NAV3: variants seen among roughly 807,000 people sequenced by gnomAD.
The protein encoded by NAV3 is pore membrane and/or filament interacting like protein 1.
Under a neutral mutation model 244.7 loss-of-function variants are expected in NAV3, and 87 were observed. The ratio of observed to expected loss-of-function variants is 0.36; its 90% CI spans 0.30 to 0.42. The LOEUF (loss-of-function observed/expected upper bound fraction) is 0.42, where lower values mean the gene tolerates loss of function less well. Ranked by LOEUF, NAV3 falls within the 20% of genes least tolerant of loss-of-function variation. The probability of loss-of-function intolerance (pLI) is 1.00; values close to 1 mark genes in which losing one functional copy is unlikely to be tolerated. For synonymous variants in NAV3, 1,126 were observed against 1,042.2 expected, an observed-to-expected ratio of 1.08 and a Z score of -1.55; for missense variants, 2,663 against 2,893.3, an observed-to-expected ratio of 0.92 and a Z score of 1.83.
At chr12:77,691,147 T>A (rs1184050522) in intron 2 of NAV3, among the ~76,000 whole-genome samples, 2 of 150,694 alleles carry the variant, frequency 1.3e-5, no homozygotes, top group African/African-American at 4.8e-5. Flanking sequence ...TAAGATGGGA[T>A]GTTGTTTCAC....
At chr12:77,645,534 TCTA>T (rs1260737580) in intron 2 of NAV3, among the ~76,000 whole-genome samples, 1 of 89,320 alleles carries the variant, frequency 1.1e-5, no homozygotes, top group African/African-American at 6.4e-5. Context: ...GCTCTCTCTC[TCTA>T]AAAAAAAAAA....
intron 1 of NAV3, among the ~76,000 whole-genome samples, chr12:77,896,631 T>G (rs1342511372): frequency 3.3e-5 from 5 of 152,216 alleles, no homozygotes; most frequent in Non-Finnish European, 7.3e-5. Flanking sequence ...AATTGCATTA[T>G]GAATAGCAAA....
intron 5 of NAV3, among the ~76,000 whole-genome samples, chr12:77,979,630 T>G (rs1246927193): frequency 1.3e-5 from 2 of 151,022 alleles, no homozygotes; most frequent in African/African-American, 4.9e-5. Flanking sequence ...TTTTCTATGC[T>G]TCTACTTCTG....
chr12:77,898,664 G>C (rs1331736550), intron 1 of NAV3, among the ~76,000 whole-genome samples: 1 of 152,114 alleles, frequency 6.6e-6, no homozygotes, highest in Admixed American at 6.6e-5. Flanking sequence ...CTGTCAAAAT[G>C]GTTGTCCGTT....
At chr12:78,143,017 T>C (rs1223775580) in intron 20 of NAV3, among the ~76,000 whole-genome samples, 1 of 152,128 alleles carries the variant, frequency 6.6e-6, no homozygotes, top group Non-Finnish European at 1.5e-5. Context: ...TAGGATTTAA[T>C]TGGCAATGAG....
chr12:77,725,108 A>G (rs1401178942), intron 2 of NAV3, among the ~76,000 whole-genome samples: 2 of 152,038 alleles, frequency 1.3e-5, no homozygotes, highest in Non-Finnish European at 2.9e-5. Flanking sequence ...TAATTTAAGC[A>G]TCTAGGCGAT....
intron 1 of NAV3, among the ~76,000 whole-genome samples, chr12:77,835,986 T>C (rs1410739042): frequency 6.6e-6 from 1 of 152,200 alleles, no homozygotes; most frequent in Non-Finnish European, 1.5e-5. Flanking sequence ...TCATATGCAG[T>C]TGGAAAATCC....
chr12:78,210,045 G>A (rs1006888299), intron 39 of NAV3, among the ~76,000 whole-genome samples: 1 of 152,170 alleles, frequency 6.6e-6, no homozygotes, highest in African/African-American at 2.4e-5. Context: ...AATGCTTTCT[G>A]CTTCTCCCAG....
At chr12:77,754,850 T>TA (rs1188006980) in intron 2 of NAV3, among the ~76,000 whole-genome samples, 1 of 152,262 alleles carries the variant, frequency 6.6e-6, no homozygotes, top group African/African-American at 2.4e-5. Context: ...TCATATTCCT[T>TA]ATAATACTGT....
rs200679240 is a variant in NAV3 at position 77,647,057 on chromosome 12, C to CAT, written c.72+74801_72+74802dup. On this transcript the variant is annotated intron_variant, in intron 2 of 8. Coordinates refer to the NAV3 transcript ENST00000550042. ...CATATATACATGGTGTATGTGTGAACATATATATATACACACACACACACA... is the reference window on the plus strand; with the variant it reads ...CATATATACATGGTGTATGTGTGAACATATATATATATACACACACACACACA... Among the ~76,000 whole-genome samples, 8 of 131,242 alleles carry CAT rather than the reference C, an allele frequency of 6.1e-5. No homozygotes were observed. The East Asian group carries it at 6.5e-4, about 11-fold the overall frequency. 86.1% of individuals were successfully genotyped at this position (131,242 alleles called of 152,430 possible).
intron 2 of NAV3, among the ~76,000 whole-genome samples, chr12:77,577,319 C>T (rs1433591684): frequency 6.6e-6 from 1 of 152,154 alleles, no homozygotes; most frequent in Non-Finnish European, 1.5e-5. Context: ...ATTCTAGAAA[C>T]TTCTTTCTCA....
At chr12:78,135,741 C>A (rs1028800792) in intron 18 of NAV3, among the ~76,000 whole-genome samples, 1 of 152,030 alleles carries the variant, frequency 6.6e-6, no homozygotes, top group Non-Finnish European at 1.5e-5. Context: ...CTAATCAGAC[C>A]GAAATGGTAC....
intron 27 of NAV3, 95 bp downstream of exon 27, chr12:78,177,408 T>C (rs1020921008): frequency 7.4e-7 from 1 of 1,357,250 alleles, no homozygotes; most frequent in East Asian, 2.4e-5. Context: ...GTACCAATTA[T>C]TTTCAGATTT....
At chr12:77,840,319 G>C (rs1195463063) in intron 1 of NAV3, among the ~76,000 whole-genome samples, 1 of 152,128 alleles carries the variant, frequency 6.6e-6, no homozygotes, top group Non-Finnish European at 1.5e-5. Context: ...GTACAGAATG[G>C]AAGAAGTATG....
At chr12:77,976,080 G>A (rs11107633) in intron 5 of NAV3, among the ~76,000 whole-genome samples, 56,852 of 152,040 alleles carry the variant, frequency 0.37, 11,415 homozygotes, top group South Asian at 0.44. Context: ...GTACGTTATC[G>A]ATATAGTATT....
At chr12:77,643,231 G>A (rs1437426174) in intron 2 of NAV3, among the ~76,000 whole-genome samples, 1 of 151,906 alleles carries the variant, frequency 6.6e-6, no homozygotes, top group Non-Finnish European at 1.5e-5. Flanking sequence ...AGTTAGAATT[G>A]TAACTTTTAA....
At chr12:77,593,020 T>C (rs1054572513) in intron 2 of NAV3, among the ~76,000 whole-genome samples, 1 of 152,114 alleles carries the variant, frequency 6.6e-6, no homozygotes, top group Non-Finnish European at 1.5e-5. Flanking sequence ...CTAAATGGCA[T>C]GAGTCTCTAA....
chr12:78,179,996 A>G (rs1308554908), intron 29 of NAV3, among the ~76,000 whole-genome samples: 1 of 152,036 alleles, frequency 6.6e-6, no homozygotes, highest in East Asian at 1.9e-4. Flanking sequence ...CTTTTCCATC[A>G]TTTACTTTTA....
At chr12:77,894,827 T>C (rs939749185) in intron 1 of NAV3, among the ~76,000 whole-genome samples, 1 of 152,014 alleles carries the variant, frequency 6.6e-6, no homozygotes, top group Non-Finnish European at 1.5e-5. Flanking sequence ...ACAGATCTCA[T>C]TTCTCAAAAT....
Sources: allele counts gnomAD v4.1 joint callset (sites outside exome capture counted in the v4.1 genomes callset), GRCh38; gene constraint gnomAD v4.1.1; transcripts MANE v1.5; gene names NCBI Gene and HGNC (gene_info 2026-07-23, HGNC 2026-07-21).